Variants in GPHN observed in about 807,000 individuals in gnomAD.
GPHN encodes gephyrin.
Under a neutral mutation model 95.5 loss-of-function variants are expected in GPHN, and 17 were observed. The ratio of observed to expected loss-of-function variants is 0.18; its 90% confidence interval spans 0.12 to 0.27. The LOEUF is 0.27. Among genes scored for constraint, GPHN ranks in the 10% least tolerant of loss-of-function variants. The pLI, the probability that GPHN is intolerant of heterozygous loss-of-function variation, is 1.00. For synonymous variants in GPHN, 320 were observed against 322.5 expected (o/e 0.99, Z 0.08); for missense variants, 660 against 978.1 (o/e 0.67, Z 4.34).
the GPHN span, among the ~76,000 whole-genome samples, chr14:67,273,784 G>A: frequency 0.014 from 2,081 of 152,294 alleles, 51 homozygotes; most frequent in African/African-American, 0.047. Flanking sequence ...TCCGGCACCT[G>A]TTGTTTCCGA....
At chr14:66,834,110 C>T (rs2061693451) in intron 4 of GPHN, among the ~76,000 whole-genome samples, 1 of 152,164 alleles carries the variant, frequency 6.6e-6, no homozygotes, top group Non-Finnish European at 1.5e-5. Flanking sequence ...TTTCTACCCA[C>T]TTGTCCTAAT....
chr14:66,583,700 A>G (rs1232534719), intron 1 of GPHN, among the ~76,000 whole-genome samples: 3 of 152,162 alleles, frequency 2.0e-5, no homozygotes, highest in East Asian at 1.9e-4. Flanking sequence ...AGTTGTAGAT[A>G]TGCGGCATTA....
chr14:67,594,370 C>T, the GPHN span, among the ~76,000 whole-genome samples: 2 of 152,108 alleles, frequency 1.3e-5, no homozygotes, highest in African/African-American at 4.8e-5. Flanking sequence ...AGGACCCAGC[C>T]GAGTGAGGTG....
chr14:66,806,574 T>C (rs1342610048), intron 3 of GPHN, among the ~76,000 whole-genome samples: 1 of 152,216 alleles, frequency 6.6e-6, no homozygotes, highest in African/African-American at 2.4e-5. Flanking sequence ...AGTCACCCAT[T>C]GAATGCTTTG....
the GPHN span, chr14:67,467,784 T>C: frequency 6.6e-6 from 1 of 152,186 alleles, no homozygotes; most frequent in East Asian, 1.9e-4. Flanking sequence ...AAAAGAGTGT[T>C]CTGCAGAGAA....
chr14:66,910,608 A>C (rs2065623367), intron 5 of GPHN, among the ~76,000 whole-genome samples: 1 of 152,022 alleles, frequency 6.6e-6, no homozygotes. Context: ...AAATGTACTT[A>C]ACATTGTAAT....
At chr14:67,733,813 G>A in the GPHN span, 1 of 1,613,422 alleles carries the variant, frequency 6.2e-7, no homozygotes, top group East Asian at 2.2e-5. Context: ...CCTATGGAAT[G>A]TCAGCTGTGA....
intron 13 of GPHN, among the ~76,000 whole-genome samples, chr14:67,105,807 G>A (rs996802977): frequency 2.6e-5 from 4 of 151,730 alleles, no homozygotes; most frequent in East Asian, 1.9e-4. Flanking sequence ...TTTTAACTAC[G>A]GAATTTAATC....
At chr14:67,650,923 G>A in the GPHN span, 1 of 1,613,498 alleles carries the variant, frequency 6.2e-7, no homozygotes, top group Non-Finnish European at 8.5e-7. Flanking sequence ...GAATTTAGGA[G>A]ACACTGTGCA....
the GPHN span, among the ~76,000 whole-genome samples, chr14:67,513,739 T>G: frequency 2.6e-5 from 4 of 152,144 alleles, no homozygotes; most frequent in Admixed American, 2.6e-4. Context: ...GGCCCTCCAG[T>G]GCCTTCTGTC....
chr14:67,126,520 A>G (rs1405549058), intron 17 of GPHN, among the ~76,000 whole-genome samples: 1 of 152,348 alleles, frequency 6.6e-6, no homozygotes, highest in East Asian at 1.9e-4. Context: ...GTAGAAACAA[A>G]TAGTGTCTAG....
chr14:66,622,862 A>C (rs1010275362), intron 1 of GPHN, among the ~76,000 whole-genome samples: 3 of 152,136 alleles, frequency 2.0e-5, no homozygotes, highest in African/African-American at 7.2e-5. Flanking sequence ...GGAAGTTCCA[A>C]ACTTTCCCAG....
the GPHN span, among the ~76,000 whole-genome samples, chr14:67,730,831 T>C: frequency 6.6e-6 from 1 of 152,198 alleles, no homozygotes; most frequent in African/African-American, 2.4e-5. Context: ...CTTGAACTCC[T>C]GACGTCAGTT....
chr14:67,353,477 C>CTTT, the GPHN span, among the ~76,000 whole-genome samples: 1 of 151,616 alleles, frequency 6.6e-6, no homozygotes, highest in Non-Finnish European at 1.5e-5. Context: ...AGCAAGACTC[C>CTTT]TTTTGTTGTT....
intron 10 of GPHN, among the ~76,000 whole-genome samples, chr14:67,049,803 G>A (rs1225519648): frequency 6.6e-6 from 1 of 152,150 alleles, no homozygotes; most frequent in African/African-American, 2.4e-5. Flanking sequence ...GAGCCACCGC[G>A]CCCGGCTGAA....
the GPHN span, among the ~76,000 whole-genome samples, chr14:67,535,250 G>T: frequency 6.6e-6 from 1 of 152,034 alleles, no homozygotes; most frequent in Admixed American, 6.6e-5. Context: ...CTGAAGTACA[G>T]GCATGGGAAG....
intron 1 of GPHN, among the ~76,000 whole-genome samples, chr14:66,627,590 T>C (rs2063570814): frequency 6.6e-6 from 1 of 152,100 alleles, no homozygotes; most frequent in Non-Finnish European, 1.5e-5. Context: ...GGCCAGCATA[T>C]AGTATATAAA....
At chr14:67,382,369 T>G in the GPHN span, 1 of 1,345,214 alleles carries the variant, frequency 7.4e-7, no homozygotes, top group Non-Finnish European at 1.0e-6. Context: ...TACAGCAGAT[T>G]AATAAAATCT....
chr14:67,278,341 C>A, the GPHN span, among the ~76,000 whole-genome samples: 2 of 138,246 alleles, frequency 1.4e-5, no homozygotes, highest in African/African-American at 5.2e-5. Context: ...CGGCCCAATT[C>A]TTTTTTTTTT....
Sources: gnomAD v4.1 joint callset for allele counts (sites outside exome capture counted in the v4.1 genomes callset) on GRCh38, gnomAD v4.1.1 for gene constraint, MANE v1.5 for transcripts, NCBI Gene and HGNC (gene_info 2026-07-23, HGNC 2026-07-21) for gene names.